KANSL1: variants seen among roughly 807,000 people sequenced by gnomAD.
KANSL1 encodes the protein MLL1/MLL complex subunit KANSL1.
In KANSL1, 22 loss-of-function variants were observed where a neutral mutation model predicts 103.6. The observed-to-expected ratio is 0.21, with a 90% CI of 0.15 to 0.30. The LOEUF is 0.30. Ranked by LOEUF, KANSL1 falls within the 10% of genes least tolerant of loss-of-function variation. KANSL1 has a pLI of 1.00. For synonymous variants in KANSL1, 600 were observed against 527.6 expected, an observed-to-expected ratio of 1.14 and a Z score of -1.88; for missense variants, 1,337 against 1,399.8, an observed-to-expected ratio of 0.96 and a Z score of 0.72.
At chr17:46,066,398 G>A in intron 6 of KANSL1, 139 bp downstream of exon 6, 2 of 597,800 alleles carry the variant, frequency 3.3e-6, no homozygotes, top group Non-Finnish European at 5.3e-6. Flanking sequence ...CAGGGCCCAG[G>A]AACCTAGTAT....
intron 10 of KANSL1, among the ~76,000 whole-genome samples, chr17:46,036,366 A>G (rs988207840): frequency 1.3e-5 from 2 of 152,184 alleles, no homozygotes; most frequent in African/African-American, 4.8e-5. Flanking sequence ...CTTGATTTCA[A>G]GGAGAGCTGG....
chr17:46,089,908 A>G (rs1429070288), intron 3 of KANSL1, among the ~76,000 whole-genome samples: 1 of 152,244 alleles, frequency 6.6e-6, no homozygotes, highest in Non-Finnish European at 1.5e-5. Context: ...GACTAAATGC[A>G]TGTGAATATA....
At chr17:46,154,615 G>C (rs1171087884) in intron 2 of KANSL1, among the ~76,000 whole-genome samples, 1 of 152,068 alleles carries the variant, frequency 6.6e-6, no homozygotes, top group Non-Finnish European at 1.5e-5. Flanking sequence ...AGAGAATGAA[G>C]GGAAGGGTAG....
At chr17:46,206,577 T>C (rs1215197925) in intron 1 of KANSL1, among the ~76,000 whole-genome samples, 3 of 152,196 alleles carry the variant, frequency 2.0e-5, no homozygotes, top group Non-Finnish European at 4.4e-5. Flanking sequence ...AAACAAACAA[T>C]GGTCTTTTCA....
chr17:46,212,121 C>A (rs1044876958), intron 1 of KANSL1, among the ~76,000 whole-genome samples: 3 of 152,190 alleles, frequency 2.0e-5, no homozygotes, highest in Non-Finnish European at 4.4e-5. Context: ...TATACTAGAA[C>A]ATATATACAT....
At position 46,114,344 on chromosome 17, in the gene KANSL1, G is replaced by A. The variant is rs113677391; in HGVS notation, c.1290-19643C>T. 9.6e-3 allele frequency among the ~76,000 whole-genome samples: 1,456 copies of A among 151,014 alleles called. 28 individuals are homozygous for A. The highest frequency in any genetic ancestry group is 0.034 in the African/African-American group (1,395 of 41,474). ...ATTGCACTCCAGCCTGGGCAACAGC[G>A]AGACTCCCTCTCAAACAAAAACAAA... is the stretch of plus-strand genomic sequence containing the variant. On this transcript the variant is annotated intron_variant, in intron 2 of 14. Transcript: ENST00000432791.
chr17:46,138,997 A>G (rs1310770313), intron 2 of KANSL1, among the ~76,000 whole-genome samples: 1 of 152,268 alleles, frequency 6.6e-6, no homozygotes, highest in African/African-American at 2.4e-5. Context: ...ATCAGACACA[A>G]GACTATTACC....
chr17:46,058,134 A>AG (rs2077998069), intron 6 of KANSL1, among the ~76,000 whole-genome samples: 1 of 152,216 alleles, frequency 6.6e-6, no homozygotes, highest in African/African-American at 2.4e-5. Flanking sequence ...AAAATTCTTG[A>AG]GAGGAGGAAG....
At chr17:46,070,946 A>C (rs2078553849) in intron 4 of KANSL1, among the ~76,000 whole-genome samples, 1 of 152,204 alleles carries the variant, frequency 6.6e-6, no homozygotes, top group Admixed American at 6.5e-5. Flanking sequence ...TCTCTAACAA[A>C]GTCTCATTTC....
chr17:46,039,217 TG>T lies in KANSL1; in HGVS notation c.2204-3del. On this transcript the variant is annotated splice_region_variant and splice_polypyrimidine_tract_variant and intron_variant, in intron 8 of 14. Transcript: ENST00000432791. ...GCCGGGTTTGGTGATGGGACAGCTC[TG>T]AAGAGGGGAACAGAAAAAGAGCTGT... 1 of 1,559,014 alleles carries T rather than the reference TG, an allele frequency of 6.4e-7. No individual in the cohort carries two copies. The highest frequency in any genetic ancestry group is 8.6e-7 in the Non-Finnish European group (1 of 1,158,608).
At position 46,171,403 on chromosome 17, in the gene KANSL1, T is replaced by C. The variant is rs1881193; in HGVS notation, c.741A>G (p.Arg247=). The C allele has an allele frequency of 0.19, 306,073 of 1,613,270 alleles. 32,772 individuals carry two copies. The highest frequency in any genetic ancestry group is 0.22 in the Non-Finnish European group (262,359 of 1,179,354). ...MEQPALQGSS[R]LSPGTDSSSN... ...AGCTGGAGTCTGTACCAGGTGATAA[T>C]CTACTGCTTCCTTGAAGTGCCGGCT... The change falls in exon 2 of 15, where the codon AGA becomes AGG. Residue 247 remains arginine, a synonymous_variant. Transcript: ENST00000432791.
At chr17:46,075,146 C>T (rs2078713854) in intron 4 of KANSL1, among the ~76,000 whole-genome samples, 1 of 152,100 alleles carries the variant, frequency 6.6e-6, no homozygotes, top group Non-Finnish European at 1.5e-5. Flanking sequence ...AGATTCTGGA[C>T]AACAGAAAGG....
chr17:46,064,148 G>C (rs766178036), intron 6 of KANSL1, among the ~76,000 whole-genome samples: 1 of 149,742 alleles, frequency 6.7e-6, no homozygotes, highest in Middle Eastern at 3.2e-3. Context: ...CTGCTATTTT[G>C]ATATTTCAGG....
intron 4 of KANSL1, among the ~76,000 whole-genome samples, chr17:46,075,385 G>A (rs2078726715): frequency 1.3e-5 from 2 of 152,130 alleles, no homozygotes; most frequent in Non-Finnish European, 2.9e-5. Context: ...TGACCAGGCT[G>A]GAATGCAGTG....
chr17:46,101,963 A>G (rs531440063), intron 2 of KANSL1, among the ~76,000 whole-genome samples: 1 of 152,302 alleles, frequency 6.6e-6, no homozygotes, highest in East Asian at 1.9e-4. Context: ...AGAGTCATCT[A>G]AAAGTTCCAC....
intron 4 of KANSL1, among the ~76,000 whole-genome samples, chr17:46,067,977 G>A (rs1256015677): frequency 2.6e-5 from 4 of 152,060 alleles, no homozygotes; most frequent in African/African-American, 9.7e-5. Context: ...GGTTGACAGA[G>A]AGAAGGAGAA....
At chr17:46,183,572 G>A (rs761928778) in intron 1 of KANSL1, among the ~76,000 whole-genome samples, 2 of 111,226 alleles carry the variant, frequency 1.8e-5, no homozygotes, top group Non-Finnish European at 4.8e-5. Context: ...GGAGGAGAGA[G>A]GAGAGAGGAG....
intron 1 of KANSL1, among the ~76,000 whole-genome samples, chr17:46,220,002 C>T (rs2048473139): frequency 6.6e-6 from 1 of 151,882 alleles, no homozygotes; most frequent in Non-Finnish European, 1.5e-5. Context: ...ACTCGGGAGG[C>T]TGAGGCAGGA....
Position 46,031,600 on chromosome 17 carries a change from C to T in KANSL1, c.3194G>A (p.Arg1065Gln), listed in dbSNP as rs2077008929. 6.2e-7 allele frequency: 1 copy of T among 1,614,110 alleles called. No homozygotes were observed. Among genetic ancestry groups the T allele is most frequent in the Non-Finnish European group, 8.5e-7 (1 of 1,180,012 alleles). ...DAQERAARCTRRTSGSKTGRE... is the reference protein window; with the variant it reads ...DAQERAARCTQRTSGSKTGRE... ...GCCAGTCTTGCTGCCTGAGGTGCGT[C>T]GAGTGCAGCGGGCTGCTCGCTCCTG... Residue 1065 changes from arginine (R) to glutamine (Q), a missense_variant, in exon 15 of 15, where the codon CGA becomes CAA. Coordinates refer to ENST00000432791, the MANE Select transcript of KANSL1 (RefSeq NM_015443.4).
Sources: gnomAD v4.1 joint callset for allele counts (sites outside exome capture counted in the v4.1 genomes callset) on GRCh38, gnomAD v4.1.1 for gene constraint, MANE v1.5 for transcripts, NCBI Gene and HGNC (gene_info 2026-07-23, HGNC 2026-07-21) for gene names.